The following HHAT variants were observed in gnomAD, a reference collection of about 807,000 sequenced individuals.
The protein encoded by HHAT is hedgehog acyltransferase, also known as protein-cysteine N-palmitoyltransferase HHAT.
HHAT carries 47 observed loss-of-function variants against 70.8 expected under a neutral mutation model. The ratio of observed to expected loss-of-function variants is 0.66; its 90% CI spans 0.53 to 0.85. The LOEUF (loss-of-function observed/expected upper bound fraction) is 0.85. HHAT is among the 40% of genes least tolerant of loss of function. The pLI, the probability that HHAT is intolerant of heterozygous loss-of-function variation, is 0.00. For synonymous variants in HHAT, 228 were observed against 247.6 expected, an observed-to-expected ratio of 0.92 and a Z score of 0.74; for missense variants, 609 against 604.8, an observed-to-expected ratio of 1.01 and a Z score of -0.07.
At chr1:210,479,090 G>A (rs779186680) in intron 8 of HHAT, among the ~76,000 whole-genome samples, 2 of 152,178 alleles carry the variant, frequency 1.3e-5, no homozygotes, top group Non-Finnish European at 2.9e-5. Flanking sequence ...AGTTTTATCA[G>A]CATCACACTG....
At chr1:210,374,247 G>C (rs183837809) in intron 3 of HHAT, 57 of 142,960 alleles carry the variant, frequency 4.0e-4, no homozygotes, top group Middle Eastern at 3.5e-3. Flanking sequence ...AGATTTATTC[G>C]ATCTGAAGAG....
chr1:210,506,822 C>T (rs1171923124), intron 8 of HHAT, among the ~76,000 whole-genome samples: 2 of 152,200 alleles, frequency 1.3e-5, no homozygotes, highest in African/African-American at 2.4e-5. Flanking sequence ...ATCATTCACA[C>T]ATTGCTTCAC....
At chr1:210,671,884 C>A (rs1209177457) in intron 11 of HHAT, among the ~76,000 whole-genome samples, 2 of 152,246 alleles carry the variant, frequency 1.3e-5, no homozygotes, top group African/African-American at 4.8e-5. Context: ...GCCCTCACCT[C>A]TCTTGCCTGC....
intron 1 of HHAT, among the ~76,000 whole-genome samples, chr1:210,341,135 A>T (rs2086007211): frequency 6.6e-6 from 1 of 152,216 alleles, no homozygotes; most frequent in South Asian, 2.1e-4. Flanking sequence ...AGTAGAGGGA[A>T]ATCTTCATTT....
chr1:210,604,245 A>ATT (rs11446633), intron 10 of HHAT, among the ~76,000 whole-genome samples: 2,111 of 141,572 alleles, frequency 0.015, 22 homozygotes, highest in South Asian at 0.025. Flanking sequence ...AAGCCCAGCT[A>ATT]TTTTTTTTTT....
intron 6 of HHAT, among the ~76,000 whole-genome samples, chr1:210,405,047 GA>G (rs2092271485): frequency 6.6e-6 from 1 of 152,164 alleles, no homozygotes; most frequent in African/African-American, 2.4e-5. Context: ...AATAGAAAAG[GA>G]AACTGTCTAA....
In HHAT at chr1:210,497,158, G is replaced by A. The variant is rs145789745; in HGVS notation, c.1008-15995G>A. 4.6e-3 allele frequency among the ~76,000 whole-genome samples: 694 copies of A among 152,262 alleles called. 4 individuals are homozygous for A. Among genetic ancestry groups the A allele is most frequent in the African/African-American group, 0.012 (482 of 41,556 alleles). ...GTATAATTAAACTTTTATATCTTGA[G>A]AATAGGGATTATTAGAAACATAAAG... is the stretch of plus-strand genomic sequence containing the variant. On this transcript the variant is annotated intron_variant, in intron 8 of 11. Coordinates refer to ENST00000261458, the MANE Select transcript of HHAT (RefSeq NM_018194.6).
Position 210,449,718 on chromosome 1 carries a change from G to A in HHAT, c.857-14787G>A, listed in dbSNP as rs545517730. ...CAGGGCATATTAAGGGAGGCTAGAC[G>A]GGCTAGATGATTGTGAGTTATGTAA... On this transcript the variant is annotated intron_variant, in intron 7 of 11. Transcript: ENST00000261458. 3.3e-5 allele frequency among the ~76,000 whole-genome samples: 5 copies of A among 152,302 alleles called. No homozygotes were observed. In the South Asian group the frequency reaches 6.2e-4, roughly 19 times the overall value.
chr1:210,486,709 T>G (rs1372019056), intron 8 of HHAT, among the ~76,000 whole-genome samples: 1 of 152,214 alleles, frequency 6.6e-6, no homozygotes, highest in Non-Finnish European at 1.5e-5. Flanking sequence ...TTCTATAGTT[T>G]GTATACTTAC....
chr1:210,524,520 G>C (rs1252326126), intron 9 of HHAT, among the ~76,000 whole-genome samples: 1 of 152,192 alleles, frequency 6.6e-6, no homozygotes, highest in African/African-American at 2.4e-5. Flanking sequence ...AGGGGAGCCT[G>C]GGGCTGGCCA....
chr1:210,544,372 T>C (rs1316373308), intron 9 of HHAT, among the ~76,000 whole-genome samples: 80 of 72,266 alleles, frequency 1.1e-3, no homozygotes, highest in Non-Finnish European at 2.6e-3. Context: ...CTTTCGTTTT[T>C]TTTTTTTTTT....
Position 210,360,432 on chromosome 1 carries a change from T to C in HHAT, c.92-2420T>C, listed in dbSNP as rs537297490. Reference sequence around the variant, plus strand: ...TTCAAGCAATTCTCTTGCCTCAGCCTCCCGAGTAGCTGGGATTACAGGCGC... The same window carrying C: ...TTCAAGCAATTCTCTTGCCTCAGCCCCCCGAGTAGCTGGGATTACAGGCGC... On this transcript the variant is annotated intron_variant, in intron 2 of 11. Transcript: ENST00000261458. 2.6e-5 allele frequency among the ~76,000 whole-genome samples: 4 copies of C among 152,030 alleles called. No individual in the cohort carries two copies. In the South Asian group the frequency reaches 8.4e-4, roughly 32 times the overall value.
Position 210,657,875 on chromosome 1 carries a change from C to T in HHAT, c.1391-16413C>T, listed in dbSNP as rs138008084. ...GTGTAGAGGATGCCTAGACTGTGGGCACTTCCGTCAATTGACTATGTTGCA... is the reference window on the plus strand; with the variant it reads ...GTGTAGAGGATGCCTAGACTGTGGGTACTTCCGTCAATTGACTATGTTGCA... On this transcript the variant is annotated intron_variant, in intron 11 of 11. Coordinates refer to ENST00000261458, the MANE Select transcript of HHAT (RefSeq NM_018194.6). 3.5e-3 allele frequency among the ~76,000 whole-genome samples: 534 copies of T among 152,286 alleles called. 1 individual carries two copies. The highest frequency in any genetic ancestry group is 0.012 in the African/African-American group (499 of 41,546).
chr1:210,499,583 C>T (rs2094715018), intron 8 of HHAT, among the ~76,000 whole-genome samples: 1 of 151,710 alleles, frequency 6.6e-6, no homozygotes. Flanking sequence ...TTGGGGGTTG[C>T]AGTGGGCTGG....
intron 8 of HHAT, among the ~76,000 whole-genome samples, chr1:210,508,529 GA>G (rs10712030): frequency 0.95 from 145,347 of 152,296 alleles, 69,634 homozygotes; most frequent in Non-Finnish European, 1. Flanking sequence ...GGAACAGGAT[GA>G]AAAGGCATAT....
chr1:210,451,036 G>A (rs1001523886), intron 7 of HHAT, among the ~76,000 whole-genome samples: 8 of 147,314 alleles, frequency 5.4e-5, no homozygotes, highest in East Asian at 2.0e-4. Flanking sequence ...GCAGTGAGCC[G>A]AGATCATGCC....
chr1:210,481,097 T>A (rs894305843), intron 8 of HHAT, among the ~76,000 whole-genome samples: 10 of 151,770 alleles, frequency 6.6e-5, no homozygotes, highest in African/African-American at 2.2e-4. Flanking sequence ...GGATGTGTGA[T>A]AAATGCTATG....
intron 1 of HHAT, among the ~76,000 whole-genome samples, chr1:210,338,489 A>G (rs6688459): frequency 0.59 from 90,354 of 152,134 alleles, 28,145 homozygotes; most frequent in African/African-American, 0.78. Context: ...AAGCCTTTTT[A>G]AGCATACTCA....
intron 11 of HHAT, among the ~76,000 whole-genome samples, chr1:210,660,578 T>A (rs575255871): frequency 6.6e-6 from 1 of 152,240 alleles, no homozygotes; most frequent in Non-Finnish European, 1.5e-5. Flanking sequence ...AAAGTTCATA[T>A]GGAACCAAAA....
Sources: allele counts gnomAD v4.1 joint callset (sites outside exome capture counted in the v4.1 genomes callset), GRCh38; gene constraint gnomAD v4.1.1; transcripts MANE v1.5; gene names NCBI Gene and HGNC (gene_info 2026-07-23, HGNC 2026-07-21).